The following ASIC2 variants were observed in gnomAD, a reference collection of about 807,000 sequenced individuals.
ASIC2 encodes the protein acid sensing ion channel subunit 2.
A neutral mutation model predicts 57.3 loss-of-function variants in ASIC2; 25 were observed. That is an observed-to-expected ratio of 0.44 (90% confidence interval 0.32 to 0.61). The LOEUF is 0.61. Among genes scored for constraint, ASIC2 ranks in the 20% least tolerant of loss-of-function variants. ASIC2 has a pLI of 0.06. For synonymous variants in ASIC2, 319 were observed against 307.5 expected (o/e 1.04, Z -0.39); for missense variants, 641 against 738.1 (o/e 0.87, Z 1.52).
chr17:34,091,789 T>TA (rs1910340184), intron 1 of ASIC2, among the ~76,000 whole-genome samples: 1 of 152,240 alleles, frequency 6.6e-6, no homozygotes, highest in Non-Finnish European at 1.5e-5. Flanking sequence ...AAGAGGCAGT[T>TA]AATACAGTGT....
chr17:34,036,783 G>A (rs934796524), intron 1 of ASIC2: 4 of 138,228 alleles, frequency 2.9e-5, no homozygotes, highest in Non-Finnish European at 4.6e-5. Context: ...TGTTCAAATT[G>A]TGAAGAAATA....
At chr17:33,713,562 C>A (rs1909121113) in intron 1 of ASIC2, among the ~76,000 whole-genome samples, 1 of 152,304 alleles carries the variant, frequency 6.6e-6, no homozygotes, top group Admixed American at 6.5e-5. Flanking sequence ...GTAAGGACAC[C>A]AATCATATTG....
chr17:33,423,730 A>G (rs60465458), intron 1 of ASIC2, among the ~76,000 whole-genome samples: 1,960 of 152,236 alleles, frequency 0.013, 54 homozygotes, highest in African/African-American at 0.045. Flanking sequence ...ATGACCAAAC[A>G]TTGGCACCCA....
intron 1 of ASIC2, among the ~76,000 whole-genome samples, chr17:33,417,133 A>G (rs534650430): frequency 4.1e-4 from 63 of 152,300 alleles, no homozygotes; most frequent in Admixed American, 9.1e-4. Flanking sequence ...GGCCTCGAAC[A>G]CACACAGACT....
At chr17:33,495,846 C>T (rs1394575148) in intron 1 of ASIC2, among the ~76,000 whole-genome samples, 1 of 152,184 alleles carries the variant, frequency 6.6e-6, no homozygotes, top group African/African-American at 2.4e-5. Flanking sequence ...CAAAGTCATT[C>T]CTGAGAAAGT....
intron 1 of ASIC2, among the ~76,000 whole-genome samples, chr17:33,608,450 A>G (rs1315976638): frequency 6.6e-6 from 1 of 152,156 alleles, no homozygotes; most frequent in Non-Finnish European, 1.5e-5. Flanking sequence ...GTAGGAATCC[A>G]CACATCTAGG....
intron 1 of ASIC2, among the ~76,000 whole-genome samples, chr17:33,863,399 T>C (rs1414846): frequency 0.73 from 110,379 of 152,180 alleles, 40,367 homozygotes; most frequent in Admixed American, 0.81. Flanking sequence ...GGTTTATGTT[T>C]CTTGCAATGG....
chr17:33,358,981 C>A (rs1360049129), intron 1 of ASIC2, among the ~76,000 whole-genome samples: 3 of 152,198 alleles, frequency 2.0e-5, no homozygotes, highest in Non-Finnish European at 4.4e-5. Flanking sequence ...TAGAAAGGTT[C>A]CTTAAATAGC....
At chr17:33,301,258 C>G (rs1476243560) in intron 1 of ASIC2, among the ~76,000 whole-genome samples, 2 of 151,002 alleles carry the variant, frequency 1.3e-5, no homozygotes, top group African/African-American at 4.9e-5. Context: ...CGAGGCTGGT[C>G]TTGAACTCCT....
At chr17:33,170,358 A>C (rs2142048016) in intron 1 of ASIC2, among the ~76,000 whole-genome samples, 1 of 152,312 alleles carries the variant, frequency 6.6e-6, no homozygotes, top group African/African-American at 2.4e-5. Context: ...TCAAATAGGA[A>C]ATGATCTCCC....
chr17:33,094,006 A>T (rs2141970248), intron 2 of ASIC2, among the ~76,000 whole-genome samples: 1 of 152,242 alleles, frequency 6.6e-6, no homozygotes, highest in South Asian at 2.1e-4. Flanking sequence ...GCTTCAGAGG[A>T]GAGGGTGGGA....
intron 1 of ASIC2, among the ~76,000 whole-genome samples, chr17:33,389,281 C>G (rs541040292): frequency 2.0e-5 from 3 of 152,154 alleles, no homozygotes; most frequent in Non-Finnish European, 4.4e-5. Flanking sequence ...CTTAACTGCA[C>G]GCAAACAGAT....
intron 1 of ASIC2, among the ~76,000 whole-genome samples, chr17:33,607,019 G>A (rs1406071817): frequency 6.6e-6 from 1 of 152,274 alleles, no homozygotes; most frequent in East Asian, 1.9e-4. Context: ...TGGGGGAGAG[G>A]TTGGAGGAGC....
At chr17:33,209,455 C>T (rs1907192097) in intron 1 of ASIC2, among the ~76,000 whole-genome samples, 1 of 152,188 alleles carries the variant, frequency 6.6e-6, no homozygotes, top group Admixed American at 6.5e-5. Context: ...ACATTTATAG[C>T]CAGATAACTC....
chr17:33,288,158 T>C (rs529736783), intron 1 of ASIC2, among the ~76,000 whole-genome samples: 172 of 152,154 alleles, frequency 1.1e-3, no homozygotes, highest in South Asian at 2.9e-3. Flanking sequence ...TGATGACATG[T>C]GCCTGTGTGA....
intron 1 of ASIC2, among the ~76,000 whole-genome samples, chr17:33,215,698 C>T (rs1281552921): frequency 6.7e-6 from 1 of 148,418 alleles, no homozygotes; most frequent in African/African-American, 2.5e-5. Flanking sequence ...TTTAAATATA[C>T]ATGTGGCTTT....
intron 1 of ASIC2, among the ~76,000 whole-genome samples, chr17:33,577,794 C>A (rs937444353): frequency 2.0e-5 from 3 of 152,282 alleles, no homozygotes; most frequent in Non-Finnish European, 4.4e-5. Flanking sequence ...CGGCCTGCCC[C>A]CAACCTGTCT....
At chr17:33,511,236 C>T (rs1253312808) in intron 1 of ASIC2, among the ~76,000 whole-genome samples, 2 of 151,900 alleles carry the variant, frequency 1.3e-5, no homozygotes, top group African/African-American at 4.8e-5. Flanking sequence ...AGGATGAGGA[C>T]ACACCAAACT....
At chr17:33,944,523 C>T (rs1020046144) in intron 1 of ASIC2, among the ~76,000 whole-genome samples, 2 of 152,022 alleles carry the variant, frequency 1.3e-5, no homozygotes, top group African/African-American at 4.8e-5. Context: ...CCAAGGCAGT[C>T]GAGTAGGGCT....
Sources: allele counts gnomAD v4.1 joint callset (sites outside exome capture counted in the v4.1 genomes callset), GRCh38; gene constraint gnomAD v4.1.1; transcripts MANE v1.5; gene names NCBI Gene and HGNC (gene_info 2026-07-23, HGNC 2026-07-21).